The following KLF15 variants were observed in gnomAD, a reference collection of about 807,000 sequenced individuals.
KLF15 encodes KLF transcription factor 15.
Under a neutral mutation model 24.6 loss-of-function variants are expected in KLF15, and 4 were observed. The ratio of observed to expected loss-of-function variants is 0.16; its 90% CI spans 0.08 to 0.37. The LOEUF (loss-of-function observed/expected upper bound fraction) is 0.37. Among genes scored for constraint, KLF15 ranks in the 10% least tolerant of loss-of-function variants. The probability of loss-of-function intolerance (pLI) is 1.00; values close to 1 mark genes in which losing one functional copy is unlikely to be tolerated. For synonymous variants in KLF15, 246 were observed against 236.3 expected, an observed-to-expected ratio of 1.04 and a Z score of -0.37; for missense variants, 496 against 560.6, an observed-to-expected ratio of 0.88 and a Z score of 1.16.
the KLF15 span, among the ~76,000 whole-genome samples, chr3:126,302,545 G>A: frequency 2.6e-5 from 4 of 152,028 alleles, no homozygotes; most frequent in East Asian, 7.7e-4. Flanking sequence ...ATCACTTACT[G>A]GCTAGTGTAT....
At chr3:126,298,181 T>A in the KLF15 span, among the ~76,000 whole-genome samples, 1 of 152,134 alleles carries the variant, frequency 6.6e-6, no homozygotes, top group South Asian at 2.1e-4. Flanking sequence ...GGTTTTGATT[T>A]GCATTTTCCT....
the KLF15 span, among the ~76,000 whole-genome samples, chr3:126,306,028 G>T: frequency 6.6e-6 from 1 of 152,178 alleles, no homozygotes; most frequent in East Asian, 1.9e-4. Flanking sequence ...CACTGACTTG[G>T]AGGCTAACCC....
chr3:126,324,821 T>A, the KLF15 span, among the ~76,000 whole-genome samples: 3 of 122,340 alleles, frequency 2.5e-5, no homozygotes, highest in Non-Finnish European at 5.2e-5. Flanking sequence ...TTTTTTTTTT[T>A]ATTATACTCT....
the KLF15 span, among the ~76,000 whole-genome samples, chr3:126,308,555 G>A: frequency 3.3e-5 from 5 of 152,206 alleles, no homozygotes; most frequent in Non-Finnish European, 5.9e-5. Context: ...CCTGGCGCTC[G>A]GGGGTTCTGC....
At chr3:126,342,087 A>C (rs1304655146), downstream of KLF15, among the ~76,000 whole-genome samples, 1 of 152,194 alleles carries the variant, frequency 6.6e-6, no homozygotes, top group African/African-American at 2.4e-5. Flanking sequence ...TTGGGGAGTT[A>C]GGGACGATGG....
At chr3:126,329,387 G>A in the KLF15 span, among the ~76,000 whole-genome samples, 1 of 152,168 alleles carries the variant, frequency 6.6e-6, no homozygotes, top group Non-Finnish European at 1.5e-5. Context: ...AGGAAGCTGA[G>A]GTGTGGCAAA....
At chr3:126,331,500 A>G in the KLF15 span, among the ~76,000 whole-genome samples, 1 of 152,208 alleles carries the variant, frequency 6.6e-6, no homozygotes, top group African/African-American at 2.4e-5. Flanking sequence ...TGAGCCCTGC[A>G]ACCCTTTTGT....
rs538308494 is a variant in KLF15 at position 126,356,397 on chromosome 3, G to A, written c.-26+840C>T. Among the ~76,000 whole-genome samples, 3 of 152,292 alleles carry A rather than the reference G, an allele frequency of 2.0e-5. No homozygotes were observed. The highest frequency in any genetic ancestry group is 7.2e-5 in the African/African-American group (3 of 41,564). On this transcript the variant is annotated intron_variant, in intron 1 of 2. Transcript: ENST00000296233. This position sits in a 1 kb window ranked among gnomAD's most constrained non-coding sequence, Gnocchi z 4.4. The stretch of plus-strand genomic sequence containing the variant: ...CCCTCTGTGCCCTCCGTGAGAGGGG[G>A]GTTCCATGAGTAACACCAAGGCGGG...
At chr3:126,294,592 G>T in the KLF15 span, among the ~76,000 whole-genome samples, 1 of 152,150 alleles carries the variant, frequency 6.6e-6, no homozygotes, top group African/African-American at 2.4e-5. Context: ...AGGGTGGCTC[G>T]AGTAATTTTT....
At chr3:126,307,744 TGAC>T in the KLF15 span, among the ~76,000 whole-genome samples, 1 of 152,186 alleles carries the variant, frequency 6.6e-6, no homozygotes, top group Non-Finnish European at 1.5e-5. Flanking sequence ...TGCTGCATGG[TGAC>T]TATCCACTGG....
chr3:126,320,028 G>A, the KLF15 span, among the ~76,000 whole-genome samples: 1 of 152,172 alleles, frequency 6.6e-6, no homozygotes, highest in East Asian at 1.9e-4. Context: ...CTGGAGCAGG[G>A]GGATCAGTGT....
chr3:126,350,410 C>A (rs1235221463), intron 2 of KLF15, among the ~76,000 whole-genome samples: 1 of 152,188 alleles, frequency 6.6e-6, no homozygotes, highest in Non-Finnish European at 1.5e-5. Context: ...GAGTGATGTC[C>A]TCACTCAGGA....
chr3:126,341,117 G>A (rs535559038), downstream of KLF15, among the ~76,000 whole-genome samples: 8 of 152,246 alleles, frequency 5.3e-5, no homozygotes, highest in East Asian at 1.5e-3. Context: ...GCACTGTGCT[G>A]TACTCTCCAC....
At chr3:126,329,194 T>C in the KLF15 span, among the ~76,000 whole-genome samples, 8 of 152,270 alleles carry the variant, frequency 5.3e-5, no homozygotes, top group Non-Finnish European at 1.2e-4. Flanking sequence ...ATCTTTCCTC[T>C]CTTATCATAT....
chr3:126,321,758 C>T, the KLF15 span, among the ~76,000 whole-genome samples: 11 of 152,268 alleles, frequency 7.2e-5, no homozygotes, highest in South Asian at 2.1e-4. Flanking sequence ...TGGGTGTCCC[C>T]GCTGGATGTC....
chr3:126,323,068 T>C, the KLF15 span, among the ~76,000 whole-genome samples: 1 of 151,618 alleles, frequency 6.6e-6, no homozygotes, highest in South Asian at 2.1e-4. Flanking sequence ...ATTATACATA[T>C]TGACATTTGC....
the KLF15 span, among the ~76,000 whole-genome samples, chr3:126,294,904 C>CAG: frequency 1.3e-5 from 2 of 148,176 alleles, no homozygotes; most frequent in African/African-American, 2.6e-5. Flanking sequence ...CACACACACA[C>CAG]AGATACGTAC....
chr3:126,312,816 G>T, the KLF15 span, among the ~76,000 whole-genome samples: 1 of 151,948 alleles, frequency 6.6e-6, no homozygotes, highest in African/African-American at 2.4e-5. Context: ...TCCCTTTAAG[G>T]CCCTGAAGGT....
chr3:126,351,737 C>CAAAAA, intron 2 of KLF15, 104 bp downstream of exon 2: 2 of 1,047,108 alleles, frequency 1.9e-6, no homozygotes, highest in Non-Finnish European at 1.4e-6. Flanking sequence ...TCCCCTCCCT[C>CAAAAA]ATCTACCTTC....
Sources: gnomAD v4.1 joint callset for allele counts (sites outside exome capture counted in the v4.1 genomes callset) on GRCh38, gnomAD v4.1.1 for gene constraint, Gnocchi (gnomAD v3.1) non-coding constraint, MANE v1.5 for transcripts, NCBI Gene and HGNC (gene_info 2026-07-23, HGNC 2026-07-21) for gene names.